Variants in PTPRD observed in about 807,000 individuals in gnomAD.
The protein encoded by PTPRD is protein tyrosine phosphatase receptor type D, also known as receptor-type tyrosine-protein phosphatase delta.
In PTPRD, 34 loss-of-function variants were observed where a neutral mutation model predicts 214.5. The observed-to-expected ratio is 0.16, with a 90% CI of 0.12 to 0.21. The LOEUF (loss-of-function observed/expected upper bound fraction) is 0.21. PTPRD is among the 10% of genes least tolerant of loss of function. PTPRD has a pLI of 1.00. For missense variants in PTPRD, 2,545 were observed against 2,398.7 expected, an observed-to-expected ratio of 1.06 and a Z score of -1.27; for synonymous variants, 1,128 against 845.7, an observed-to-expected ratio of 1.33 and a Z score of -5.79.
chr9:9,571,102 G>C (rs2086242026), intron 8 of PTPRD, among the ~76,000 whole-genome samples: 1 of 151,358 alleles, frequency 6.6e-6, no homozygotes, highest in African/African-American at 2.4e-5. Context: ...TTTAAATGAA[G>C]ATTGTTACTT....
intron 2 of PTPRD, among the ~76,000 whole-genome samples, chr9:10,587,562 G>A (rs2132695469): frequency 6.6e-6 from 1 of 152,102 alleles, no homozygotes; most frequent in African/African-American, 2.4e-5. Flanking sequence ...AGTTGGTTTT[G>A]TTAAAAATAC....
intron 7 of PTPRD, among the ~76,000 whole-genome samples, chr9:9,690,719 C>T (rs1162274364): frequency 1.3e-5 from 2 of 151,756 alleles, no homozygotes; most frequent in East Asian, 1.9e-4. Flanking sequence ...GATTGAAGAG[C>T]CTGTTATTTT....
chr9:9,297,290 C>A (rs1270977360), intron 9 of PTPRD, among the ~76,000 whole-genome samples: 1 of 151,570 alleles, frequency 6.6e-6, no homozygotes, highest in Non-Finnish European at 1.5e-5. Context: ...TTTCTGCAAT[C>A]TTTATAGGCC....
At chr9:8,987,537 A>G (rs2099350496) in intron 11 of PTPRD, among the ~76,000 whole-genome samples, 1 of 152,118 alleles carries the variant, frequency 6.6e-6, no homozygotes, top group East Asian at 1.9e-4. Flanking sequence ...GTTTTACCCA[A>G]TCACCAAAAT....
At chr9:10,032,534 A>G (rs754453818) in intron 4 of PTPRD, among the ~76,000 whole-genome samples, 1 of 152,150 alleles carries the variant, frequency 6.6e-6, no homozygotes, top group Non-Finnish European at 1.5e-5. Flanking sequence ...GGACTCTTCT[A>G]TGTCTCCTCA....
intron 2 of PTPRD, among the ~76,000 whole-genome samples, chr9:10,359,408 T>C (rs2097336048): frequency 6.6e-6 from 1 of 152,084 alleles, no homozygotes. Flanking sequence ...CTTTAAGTTG[T>C]TTCTTCTGTT....
chr9:10,607,453 AAC>A (rs1239060927), intron 2 of PTPRD, among the ~76,000 whole-genome samples: 2 of 151,930 alleles, frequency 1.3e-5, no homozygotes, highest in African/African-American at 4.8e-5. Flanking sequence ...GATGTTTTTA[AAC>A]ACACACAGAT....
At chr9:9,932,677 C>G (rs1465466098) in intron 5 of PTPRD, among the ~76,000 whole-genome samples, 31 of 110,020 alleles carry the variant, frequency 2.8e-4, no homozygotes, top group African/African-American at 1.1e-3. Flanking sequence ...AGGAGAACTT[C>G]CCCAATCTAG....
chr9:8,450,395 G>A (rs1350156310), intron 33 of PTPRD, among the ~76,000 whole-genome samples: 1 of 152,044 alleles, frequency 6.6e-6, no homozygotes, highest in African/African-American at 2.4e-5. Flanking sequence ...TAGGATAATC[G>A]GGACCAGGTA....
chr9:10,469,910 C>A (rs762202566), intron 2 of PTPRD, among the ~76,000 whole-genome samples: 3 of 147,846 alleles, frequency 2.0e-5, no homozygotes, highest in Non-Finnish European at 4.5e-5. Flanking sequence ...CATTGAAAGA[C>A]AAATTTGCAT....
At chr9:10,485,199 T>C (rs2099124770) in intron 2 of PTPRD, among the ~76,000 whole-genome samples, 1 of 152,158 alleles carries the variant, frequency 6.6e-6, no homozygotes, top group Non-Finnish European at 1.5e-5. Flanking sequence ...TTCTGCATTC[T>C]CTTCTCTGTT....
chr9:9,976,440 G>T (rs2095354159), intron 4 of PTPRD, among the ~76,000 whole-genome samples: 1 of 151,718 alleles, frequency 6.6e-6, no homozygotes, highest in Non-Finnish European at 1.5e-5. Context: ...AGGCAGGATT[G>T]CAGTGGCATG....
intron 12 of PTPRD, among the ~76,000 whole-genome samples, chr9:8,709,028 T>C (rs975900827): frequency 2.0e-5 from 3 of 151,992 alleles, no homozygotes; most frequent in Non-Finnish European, 4.4e-5. Flanking sequence ...ATCTCACTCA[T>C]ATATGGGATC....
chr9:8,976,233 T>C (rs2099267291), intron 11 of PTPRD, among the ~76,000 whole-genome samples: 1 of 152,094 alleles, frequency 6.6e-6, no homozygotes, highest in Non-Finnish European at 1.5e-5. Flanking sequence ...GTTAGGGTAA[T>C]CACTACTGTT....
chr9:9,045,435 T>G (rs1223582342), intron 10 of PTPRD, among the ~76,000 whole-genome samples: 1 of 151,546 alleles, frequency 6.6e-6, no homozygotes, highest in African/African-American at 2.4e-5. Flanking sequence ...GGTCGGGGGT[T>G]GTGGTTTGAT....
At chr9:10,156,820 T>G (rs1249827180) in intron 3 of PTPRD, among the ~76,000 whole-genome samples, 3 of 152,226 alleles carry the variant, frequency 2.0e-5, no homozygotes, top group Non-Finnish European at 4.4e-5. Context: ...AGTGCTCGTA[T>G]GTTGAGTGCA....
At chr9:10,158,186 T>C (rs2099105462) in intron 3 of PTPRD, among the ~76,000 whole-genome samples, 1 of 152,080 alleles carries the variant, frequency 6.6e-6, no homozygotes. Context: ...TTTTTGTGTT[T>C]TTAGTAGAGA....
intron 11 of PTPRD, among the ~76,000 whole-genome samples, chr9:8,989,467 C>T (rs79549536): frequency 2.2e-3 from 335 of 152,192 alleles, no homozygotes; most frequent in South Asian, 9.5e-3. Context: ...ATTTGTTTTA[C>T]TGTGCCTGGT....
intron 10 of PTPRD, among the ~76,000 whole-genome samples, chr9:9,077,307 T>C (rs1179185572): frequency 6.6e-6 from 1 of 152,006 alleles, no homozygotes; most frequent in Admixed American, 6.6e-5. Flanking sequence ...GTTTTATTAA[T>C]GAAAAAATAC....
Sources: gnomAD v4.1 joint callset for allele counts (sites outside exome capture counted in the v4.1 genomes callset) on GRCh38, gnomAD v4.1.1 for gene constraint, MANE v1.5 for transcripts, NCBI Gene and HGNC (gene_info 2026-07-23, HGNC 2026-07-21) for gene names.